The following TSPAN4 variants were observed in gnomAD, a reference collection of about 807,000 sequenced individuals.
The protein encoded by TSPAN4 is tetraspanin-4.
TSPAN4 carries 38 observed loss-of-function variants against 31.5 expected under a neutral mutation model. The observed-to-expected ratio is 1.21, with a 90% CI of 0.93 to 1.58. The LOEUF (loss-of-function observed/expected upper bound fraction) is 1.58. Among genes scored for constraint, TSPAN4 ranks in the 40% most tolerant of loss-of-function variants. The pLI, the probability that TSPAN4 is intolerant of heterozygous loss-of-function variation, is 0.00. For missense variants in TSPAN4, 330 were observed against 317.3 expected, an observed-to-expected ratio of 1.04 and a Z score of -0.30; for synonymous variants, 186 against 144.6, an observed-to-expected ratio of 1.29 and a Z score of -2.06.
intron 3 of TSPAN4, among the ~76,000 whole-genome samples, chr11:855,649 G>A (rs751837830): frequency 5.9e-5 from 9 of 152,216 alleles, no homozygotes; most frequent in Non-Finnish European, 1.3e-4. Flanking sequence ...GGGAACGGAG[G>A]ACAGATGGGG....
chr11:854,767 C>T lies in TSPAN4; in HGVS notation c.63+4400C>T, dbSNP rs761345052. On this transcript the variant is annotated intron_variant, in intron 3 of 8. Coordinates refer to ENST00000397397, the MANE Select transcript of TSPAN4 (RefSeq NM_003271.5). The stretch of plus-strand genomic sequence containing the variant: ...GGGGGCCAGCCTTGGCTTCCCCTCC[C>T]CTGGGATGAGCTGAGACGATGTCTG... 3.2e-4 allele frequency among the ~76,000 whole-genome samples: 49 copies of T among 152,208 alleles called. 1 individual carries two copies. Among genetic ancestry groups the T allele is most frequent in the African/African-American group, 1.2e-3 (49 of 41,444 alleles).
Position 862,328 on chromosome 11 carries a change from G to A in TSPAN4, c.64-222G>A, listed in dbSNP as rs1017066226. On this transcript the variant is annotated intron_variant, in intron 3 of 8. Transcript: ENST00000397397. Reference sequence around the variant, plus strand: ...GAGCCTCCCCGACTGTGGCCATGGAGTGTGGGTTTGGGGATGGGGTGCCAG... The same window carrying A: ...GAGCCTCCCCGACTGTGGCCATGGAATGTGGGTTTGGGGATGGGGTGCCAG... 3.6e-5 allele frequency: 20 copies of A among 561,056 alleles called. No homozygotes were observed. In the Admixed American group the frequency reaches 4.4e-4, roughly 12 times the overall value. The allele number at this position is 561,056 out of a possible 1,614,324, so 34.8% of individuals were successfully genotyped here. A position where few individuals can be genotyped will look rare whatever the true frequency, so the allele number is the denominator to read the frequency against.
Position 866,814 on chromosome 11 carries a change from C to T in TSPAN4, c.*184C>T, listed in dbSNP as rs193279009. The T allele has an allele frequency of 3.7e-4, 230 of 615,198 alleles. No homozygotes were observed. The highest frequency in any genetic ancestry group is 3.6e-3 in the African/African-American group (191 of 53,170). 38.1% of individuals were successfully genotyped at this position (615,198 alleles called of 1,614,324 possible). On this transcript the variant is annotated 3_prime_UTR_variant, in exon 9 of 9. Coordinates refer to ENST00000397397, the MANE Select transcript of TSPAN4 (RefSeq NM_003271.5). ...GCCCTAGCTCAGGTGGCTTCAGGGC[C>T]TCCGGACCCCCCCTGGGAGGGGTGG...
intron 4 of TSPAN4, chr11:863,069 A>G: frequency 4.7e-6 from 1 of 214,146 alleles, no homozygotes; most frequent in Non-Finnish European, 9.2e-6. Context: ...GCAGCCTTTC[A>G]CGGGCTTGCG....
intron 1 of TSPAN4, chr11:844,519 A>G (rs1171511720): frequency 5.9e-5 from 9 of 152,058 alleles, no homozygotes; most frequent in Non-Finnish European, 1.3e-4. Flanking sequence ...CTGGGGGCCC[A>G]GGCCTGTCCT....
rs1337740499 is a variant in TSPAN4 at position 865,691 on chromosome 11, C to T, written c.433-3C>T. 3 of 1,613,160 alleles carry T rather than the reference C, an allele frequency of 1.9e-6. No homozygotes were observed. The highest frequency in any genetic ancestry group is 4.5e-5 in the East Asian group (2 of 44,880). On this transcript the variant is annotated splice_region_variant and splice_polypyrimidine_tract_variant and intron_variant, in intron 6 of 8. Transcript: ENST00000397397. ...CTCAGCCCGACCTGAGCTTGCCCCC[C>T]AGTTCCGCTGCTGTGGCGTCTCCAA...
chr11:865,395 C>T (rs958342212), intron 5 of TSPAN4, 118 bp from the exon 6 acceptor site: 27 of 755,168 alleles, frequency 3.6e-5, no homozygotes, highest in Admixed American at 9.7e-5. Flanking sequence ...GGCTAGGAGG[C>T]GCGGGGGACA....
chr11:844,745 G>T (rs753418188), intron 1 of TSPAN4, among the ~76,000 whole-genome samples: 1 of 151,826 alleles, frequency 6.6e-6, no homozygotes, highest in Admixed American at 6.6e-5. Context: ...AGGGTGAGGC[G>T]CTGGTTTTAT....
chr11:865,533 A>G lies in TSPAN4; in HGVS notation c.351A>G (p.Gln117=). ...YTDKIDRYAQ[Q]DLKKGLHLYG... ...CCCAGATTGACAGGTATGCCCAGCAAGACCTGAAGAAAGGCTTGCACCTGT... is the reference window on the plus strand; with the variant it reads ...CCCAGATTGACAGGTATGCCCAGCAGGACCTGAAGAAAGGCTTGCACCTGT... The change falls in exon 6 of 9, where the codon CAA becomes CAG. Residue 117 remains glutamine, a synonymous_variant. Transcript: ENST00000397397. 1.9e-6 allele frequency: 3 copies of G among 1,611,892 alleles called. No homozygotes were observed. The highest frequency in any genetic ancestry group is 2.5e-6 in the Non-Finnish European group (3 of 1,179,812).
chr11:846,984 C>T (rs545984467), intron 1 of TSPAN4, among the ~76,000 whole-genome samples: 3 of 152,334 alleles, frequency 2.0e-5, no homozygotes, highest in East Asian at 1.9e-4. Context: ...AATTTGGTGA[C>T]TCAGTCATTG....
chr11:861,527 A>C (rs1848455540), intron 3 of TSPAN4, among the ~76,000 whole-genome samples: 1 of 152,072 alleles, frequency 6.6e-6, no homozygotes, highest in African/African-American at 2.4e-5. Flanking sequence ...CCTGGCTAAC[A>C]CGGTGAAACC....
chr11:862,371 G>C, intron 3 of TSPAN4, 179 bp from the exon 4 acceptor site: 1 of 581,958 alleles, frequency 1.7e-6, no homozygotes, highest in Non-Finnish European at 3.0e-6. Flanking sequence ...TGTCGGGAAA[G>C]ACTGGCCTGC....
chr11:846,141 G>C (rs1277024493), intron 1 of TSPAN4, among the ~76,000 whole-genome samples: 1 of 152,192 alleles, frequency 6.6e-6, no homozygotes, highest in Non-Finnish European at 1.5e-5. Context: ...TGTCTGTCCT[G>C]AGCTGCCCCT....
At position 865,711 on chromosome 11, in the gene TSPAN4, C is replaced by T; in HGVS notation, c.450C>T (p.Val150=). Residue 150 remains valine (V), a synonymous_variant, in exon 7 of 9, where the codon GTC becomes GTT. Coordinates refer to ENST00000397397, the MANE Select transcript of TSPAN4 (RefSeq NM_003271.5). ...CCCCCCAGTTCCGCTGCTGTGGCGTCTCCAACTACACTGACTGGTTCGAGG... is the reference window on the plus strand; with the variant it reads ...CCCCCCAGTTCCGCTGCTGTGGCGTTTCCAACTACACTGACTGGTTCGAGG... The part of the protein sequence containing the change: ...IIQTDFRCCG[V]SNYTDWFEVY... 3.1e-6 allele frequency: 5 copies of T among 1,613,406 alleles called. No individual in the cohort carries two copies. The highest frequency in any genetic ancestry group is 4.2e-6 in the Non-Finnish European group (5 of 1,179,946).
At chr11:850,894 G>A (rs920956509) in intron 3 of TSPAN4, among the ~76,000 whole-genome samples, 5 of 149,360 alleles carry the variant, frequency 3.3e-5, no homozygotes, top group Admixed American at 3.3e-4. Flanking sequence ...CCCAGTCGCC[G>A]GGAGGCGCTG....
chr11:849,313 G>A (rs1317653592), intron 2 of TSPAN4, among the ~76,000 whole-genome samples: 1 of 152,146 alleles, frequency 6.6e-6, no homozygotes, highest in Non-Finnish European at 1.5e-5. Flanking sequence ...GCTCCATGCA[G>A]TGCAGGCTGA....
At chr11:849,363 A>T (rs1429850849) in intron 2 of TSPAN4, among the ~76,000 whole-genome samples, 2 of 151,804 alleles carry the variant, frequency 1.3e-5, no homozygotes, top group Non-Finnish European at 2.9e-5. Context: ...GGGCTTCCCC[A>T]AGGGCGCCCG....
rs1410690848 is a variant in TSPAN4, at chr11:865,739, TACA to T, written c.481_483del (p.Asn161del). 25 of 1,613,312 alleles carry T rather than the reference TACA, an allele frequency of 1.5e-5. No homozygotes were observed. Among genetic ancestry groups the T allele is most frequent in the Non-Finnish European group, 2.1e-5 (25 of 1,179,926 alleles). The stretch of plus-strand genomic sequence containing the variant: ...CAACTACACTGACTGGTTCGAGGTG[TACA>T]ACGCCACGCGGGTACCTGACTCCTG... On this transcript the variant is annotated inframe_deletion, in exon 7 of 9. Coordinates refer to ENST00000397397, the MANE Select transcript of TSPAN4 (RefSeq NM_003271.5).
At chr11:844,957 T>A (rs556271505) in intron 1 of TSPAN4, among the ~76,000 whole-genome samples, 2 of 152,208 alleles carry the variant, frequency 1.3e-5, no homozygotes, top group East Asian at 3.9e-4. Context: ...CCAGGAGGGC[T>A]GGGAGGGGGA....
Sources: allele counts gnomAD v4.1 joint callset (sites outside exome capture counted in the v4.1 genomes callset), GRCh38; gene constraint gnomAD v4.1.1; transcripts MANE v1.5; gene names NCBI Gene and HGNC (gene_info 2026-07-23, HGNC 2026-07-21).